POU6F2: variants seen among roughly 807,000 people sequenced by gnomAD.
POU6F2 encodes the protein POU class 6 homeobox 2.
A neutral mutation model predicts 71.3 loss-of-function variants in POU6F2; 31 were observed. The observed-to-expected ratio is 0.43, with a 90% confidence interval of 0.33 to 0.59. The LOEUF (loss-of-function observed/expected upper bound fraction) is 0.59. POU6F2 is among the 20% of genes least tolerant of loss of function. POU6F2 has a pLI of 0.04. For missense variants in POU6F2, 783 were observed against 856.8 expected (o/e 0.91, Z 1.07); for synonymous variants, 347 against 355.7 (o/e 0.98, Z 0.27).
chr7:39,021,984 G>A (rs1219611304), intron 1 of POU6F2, among the ~76,000 whole-genome samples: 1 of 151,770 alleles, frequency 6.6e-6, no homozygotes, highest in Non-Finnish European at 1.5e-5. Context: ...CTTTATTCTT[G>A]GAATCCAGAA....
chr7:39,053,928 C>T (rs1790451664), intron 1 of POU6F2, among the ~76,000 whole-genome samples: 1 of 151,906 alleles, frequency 6.6e-6, no homozygotes, highest in African/African-American at 2.4e-5. Flanking sequence ...CATAGTGAAA[C>T]CCTGTCTCTA....
intron 1 of POU6F2, chr7:39,083,626 C>G (rs906664144): frequency 3.9e-5 from 6 of 151,980 alleles, no homozygotes; most frequent in Non-Finnish European, 8.8e-5. Context: ...CCCCATCTAC[C>G]CCAAGTTTCA....
At chr7:38,985,328 A>G (rs574652493) in intron 1 of POU6F2, among the ~76,000 whole-genome samples, 1 of 152,174 alleles carries the variant, frequency 6.6e-6, no homozygotes, top group East Asian at 1.9e-4. Context: ...GGGCACAAAT[A>G]AAACAAGAAC....
At position 39,207,532 on chromosome 7, in the gene POU6F2, G is replaced by C; in HGVS notation, c.510G>C (p.Leu170=). Residue 170 remains leucine (L), a synonymous_variant, in exon 4 of 10, where the codon CTG becomes CTC. Transcript: ENST00000518318. Reference sequence around the variant, plus strand: ...GCCAGCAAGGACTGGTTCTCACACTGCCAACAGCGAATCTCACCAACATCC... The same window carrying C: ...GCCAGCAAGGACTGGTTCTCACACTCCCAACAGCGAATCTCACCAACATCC... ...LGGQQGLVLT[L]PTANLTNIQG... is the part of the protein sequence containing the mutation. 19 of 1,614,010 alleles carry C rather than the reference G, an allele frequency of 1.2e-5. No homozygotes were observed. Among genetic ancestry groups the C allele is most frequent in the Non-Finnish European group, 1.6e-5 (19 of 1,179,890 alleles).
At chr7:39,303,144 G>GTTTTGTT (rs1784982437) in intron 4 of POU6F2, among the ~76,000 whole-genome samples, 1 of 152,044 alleles carries the variant, frequency 6.6e-6, no homozygotes, top group Non-Finnish European at 1.5e-5. Flanking sequence ...TTATGTTTTT[G>GTTTTGTT]TTTTGTTTTT....
At chr7:39,447,749 A>G (rs1352004666) in intron 7 of POU6F2, among the ~76,000 whole-genome samples, 1 of 152,172 alleles carries the variant, frequency 6.6e-6, no homozygotes, top group Non-Finnish European at 1.5e-5. Context: ...TCTGCTTCTA[A>G]TTATTCCCTA....
chr7:39,015,424 A>G (rs1410841352), intron 1 of POU6F2, among the ~76,000 whole-genome samples: 6 of 128,824 alleles, frequency 4.7e-5, no homozygotes, highest in Admixed American at 8.7e-5. Flanking sequence ...TATAATATCT[A>G]TTATATATAA....
chr7:39,014,283 G>T (rs1420904333), intron 1 of POU6F2, among the ~76,000 whole-genome samples: 1 of 152,146 alleles, frequency 6.6e-6, no homozygotes, highest in Non-Finnish European at 1.5e-5. Flanking sequence ...ATTTCCCACA[G>T]GAGATTGTTT....
chr7:39,102,963 C>T (rs1204712035), intron 2 of POU6F2, among the ~76,000 whole-genome samples: 1 of 152,180 alleles, frequency 6.6e-6, no homozygotes, highest in African/African-American at 2.4e-5. Context: ...ATGGGACCAC[C>T]ATGATATGTG....
chr7:39,173,027 G>A (rs560490462), intron 2 of POU6F2, among the ~76,000 whole-genome samples: 1 of 152,108 alleles, frequency 6.6e-6, no homozygotes, highest in Admixed American at 6.5e-5. Context: ...TGTTCTAGTA[G>A]CCATATGTAA....
chr7:39,032,544 G>T (rs1263742199), intron 1 of POU6F2, among the ~76,000 whole-genome samples: 1 of 152,194 alleles, frequency 6.6e-6, no homozygotes, highest in Non-Finnish European at 1.5e-5. Flanking sequence ...CAAGGATGTT[G>T]TACATGAAAG....
chr7:38,980,001 T>C (rs1303012718), intron 1 of POU6F2, among the ~76,000 whole-genome samples: 3 of 152,208 alleles, frequency 2.0e-5, no homozygotes, highest in Non-Finnish European at 4.4e-5. Flanking sequence ...TTTTTACAGA[T>C]AGTAGGCTTA....
intron 2 of POU6F2, among the ~76,000 whole-genome samples, chr7:39,104,068 C>T (rs28627762): frequency 1.2e-4 from 19 of 152,306 alleles, no homozygotes; most frequent in African/African-American, 4.3e-4. Flanking sequence ...TAGATAGGCT[C>T]GAAATTCTGG....
intron 2 of POU6F2, among the ~76,000 whole-genome samples, chr7:39,124,973 A>T (rs1792113767): frequency 6.6e-6 from 1 of 152,132 alleles, no homozygotes; most frequent in South Asian, 2.1e-4. Flanking sequence ...AAATTTGCCA[A>T]AATATGAGGG....
At chr7:39,048,685 C>A (rs1262855728) in intron 1 of POU6F2, among the ~76,000 whole-genome samples, 1 of 151,830 alleles carries the variant, frequency 6.6e-6, no homozygotes, top group Admixed American at 6.6e-5. Context: ...ATTTATATTC[C>A]TTTGTGTATA....
At chr7:39,381,806 T>G (rs1469111088) in intron 5 of POU6F2, among the ~76,000 whole-genome samples, 2 of 152,190 alleles carry the variant, frequency 1.3e-5, no homozygotes, top group Non-Finnish European at 2.9e-5. Context: ...ATCAGTTGAT[T>G]AGATTCCTGG....
intron 4 of POU6F2, among the ~76,000 whole-genome samples, chr7:39,271,563 G>A (rs374564921): frequency 7.3e-5 from 11 of 151,446 alleles, no homozygotes; most frequent in Admixed American, 2.0e-4. Context: ...CAGAGTGCCC[G>A]GGCCTGGCCG....
chr7:39,265,762 G>A (rs1562769509), intron 4 of POU6F2, among the ~76,000 whole-genome samples: 1 of 152,102 alleles, frequency 6.6e-6, no homozygotes, highest in African/African-American at 2.4e-5. Flanking sequence ...AGTTTTAAGG[G>A]TTTTAAAATG....
At chr7:39,354,518 G>T (rs1223327056) in intron 5 of POU6F2, among the ~76,000 whole-genome samples, 1 of 152,166 alleles carries the variant, frequency 6.6e-6, no homozygotes, top group Non-Finnish European at 1.5e-5. Flanking sequence ...TATGGTCCTG[G>T]TGTTCTAATG....
Sources: gnomAD v4.1 joint callset for allele counts (sites outside exome capture counted in the v4.1 genomes callset) on GRCh38, gnomAD v4.1.1 for gene constraint, MANE v1.5 for transcripts, NCBI Gene and HGNC (gene_info 2026-07-23, HGNC 2026-07-21) for gene names.